Variants in IGF2BP1 observed in about 807,000 individuals in gnomAD.
IGF2BP1 encodes the protein insulin-like growth factor 2 mRNA-binding protein 1.
Under a neutral mutation model 74.9 loss-of-function variants are expected in IGF2BP1, and 11 were observed. The ratio of observed to expected loss-of-function variants is 0.15; its 90% CI spans 0.09 to 0.24. The LOEUF is 0.24. Among genes scored for constraint, IGF2BP1 ranks in the 10% least tolerant of loss-of-function variants. IGF2BP1 has a pLI of 1.00. For synonymous variants in IGF2BP1, 287 were observed against 281.8 expected (o/e 1.02, Z -0.18); for missense variants, 440 against 757.4 (o/e 0.58, Z 4.92).
intron 4 of IGF2BP1, among the ~76,000 whole-genome samples, chr17:49,030,675 G>T (rs552529663): frequency 6.6e-6 from 1 of 151,724 alleles, no homozygotes; most frequent in South Asian, 2.1e-4. Context: ...GCCCAGGCTG[G>T]AGTGTAGTGG....
intron 14 of IGF2BP1, 119 bp downstream of exon 14, chr17:49,046,492 T>TCTAGA: frequency 1.4e-6 from 1 of 697,290 alleles, no homozygotes; most frequent in Non-Finnish European, 2.5e-6. Flanking sequence ...CAGCCACATC[T>TCTAGA]GCCTGCCTCT....
chr17:48,999,134 C>T lies in IGF2BP1; in HGVS notation c.201C>T (p.Arg67=), dbSNP rs1342252337. ...FSGKVELQGK[R]LEIEHSVPKK... Reference sequence around the variant, plus strand: ...GGAAAGTAGAATTACAAGGAAAACGCTTAGAGATTGAACATTCGGTGCCCA... The same window carrying T: ...GGAAAGTAGAATTACAAGGAAAACGTTTAGAGATTGAACATTCGGTGCCCA... Residue 67 remains arginine, a synonymous_variant, in exon 2 of 15, where the codon CGC becomes CGT. Transcript: ENST00000290341. 1.3e-6 allele frequency: 2 copies of T among 1,493,102 alleles called. No individual in the cohort carries two copies. Among genetic ancestry groups the T allele is most frequent in the Non-Finnish European group, 1.8e-6 (2 of 1,107,920 alleles). 92.5% of individuals were successfully genotyped at this position (1,493,102 alleles called of 1,614,324 possible). A position where few individuals can be genotyped will look rare whatever the true frequency, so the allele number is the denominator to read the frequency against.
chr17:49,019,954 A>ATATATT (rs1567815943), intron 2 of IGF2BP1, among the ~76,000 whole-genome samples: 16 of 41,556 alleles, frequency 3.9e-4, no homozygotes, highest in Non-Finnish European at 5.1e-4. Flanking sequence ...ATATATTTAT[A>ATATATT]TACACACACA....
intron 12 of IGF2BP1, among the ~76,000 whole-genome samples, chr17:49,045,280 CAGA>C (rs1415605214): frequency 6.6e-6 from 1 of 152,204 alleles, no homozygotes; most frequent in African/African-American, 2.4e-5. Flanking sequence ...TTAAGGTCCA[CAGA>C]AGAAGATGGG....
chr17:49,020,972 A>T (rs1157290440), intron 2 of IGF2BP1, among the ~76,000 whole-genome samples: 5 of 20,534 alleles, frequency 2.4e-4, no homozygotes, highest in African/African-American at 7.3e-4. Flanking sequence ...CTACAAATTA[A>T]AAAAAAAAAA....
chr17:49,032,008 G>C (rs562198497), intron 5 of IGF2BP1, 35 bp downstream of exon 5: 11 of 1,446,818 alleles, frequency 7.6e-6, no homozygotes, highest in Middle Eastern at 1.7e-4. Flanking sequence ...GGGTGCGGTG[G>C]GGGGGGGTTC....
At chr17:49,013,191 AC>A (rs2007071837) in intron 2 of IGF2BP1, among the ~76,000 whole-genome samples, 1 of 151,750 alleles carries the variant, frequency 6.6e-6, no homozygotes, top group African/African-American at 2.4e-5. Context: ...TTAATTGATG[AC>A]ACCCCAAAAG....
At chr17:49,004,296 T>TC (rs1036699600) in intron 2 of IGF2BP1, among the ~76,000 whole-genome samples, 1 of 118,186 alleles carries the variant, frequency 8.5e-6, no homozygotes, top group Admixed American at 8.2e-5. Context: ...ACGAGAGGGT[T>TC]CCCCCTCACC....
chr17:49,055,148 A>G lies in IGF2BP1; in HGVS notation c.*5704A>G, dbSNP rs1486293962. 9.7e-6 allele frequency: 1 copy of G among 103,304 alleles called. No individual in the cohort carries two copies. Among genetic ancestry groups the G allele is most frequent in the Admixed American group, 9.1e-5 (1 of 10,960 alleles). The allele number at this position is 103,304 out of a possible 1,614,324, so 6.4% of individuals were successfully genotyped here. A position where few individuals can be genotyped will look rare whatever the true frequency, so the allele number is the denominator to read the frequency against. ...ACTTTCCAAAAAATAAAATTAAAAA[A>G]AAAAAAACCAAAAAAAAAAATTTTT... On this transcript the variant is annotated 3_prime_UTR_variant, in exon 15 of 15. Transcript: ENST00000290341.
rs1237082226 is a variant in IGF2BP1, at chr17:49,049,452, C to T, written c.*8C>T. 1.9e-6 allele frequency: 3 copies of T among 1,611,422 alleles called. No individual in the cohort carries two copies. The highest frequency in any genetic ancestry group is 2.2e-5 in the East Asian group (1 of 44,876). On this transcript the variant is annotated 3_prime_UTR_variant, in exon 15 of 15. Transcript: ENST00000290341. ...CAGGCACGGAGGAAGTGACCAGCCC[C>T]TCCCTGTCCCTTCGAGTCCAGGACA...
rs374582209 is a variant in IGF2BP1, at chr17:49,004,879, C to T, written c.236+5710C>T. On this transcript the variant is annotated intron_variant, in intron 2 of 14. Coordinates refer to ENST00000290341, the MANE Select transcript of IGF2BP1 (RefSeq NM_006546.4). ...AGAAAGTGTATGCCCATTTGGTTAC[C>T]GATAGTTTGGTTAAAAATGATCCTG... 6 of 152,190 alleles carry T rather than the reference C, an allele frequency of 3.9e-5. No homozygotes were observed. The East Asian group carries it at 9.7e-4, about 24-fold the overall frequency. 9.4% of individuals were successfully genotyped at this position (152,190 alleles called of 1,614,324 possible).
At chr17:49,024,064 G>C (rs907280202) in intron 2 of IGF2BP1, among the ~76,000 whole-genome samples, 2 of 145,714 alleles carry the variant, frequency 1.4e-5, no homozygotes, top group African/African-American at 2.6e-5. Context: ...TTACAGGCAC[G>C]TGCCACCACA....
intron 4 of IGF2BP1, among the ~76,000 whole-genome samples, 179 bp downstream of exon 4, chr17:49,026,696 CCTTCCT>C: frequency 7.1e-6 from 1 of 141,096 alleles, no homozygotes; most frequent in South Asian, 2.3e-4. Context: ...TGCCTTCCTG[CCTTCCT>C]GCCTTCCTGC....
chr17:49,043,613 C>T (rs2042077317), intron 10 of IGF2BP1, 63 bp downstream of exon 10: 5 of 1,571,128 alleles, frequency 3.2e-6, no homozygotes, highest in Non-Finnish European at 4.3e-6. Flanking sequence ...TTAAGGGGGA[C>T]TCAGCATGCT....
At position 49,040,053 on chromosome 17, in the gene IGF2BP1, C is replaced by G; in HGVS notation, c.780C>G (p.Ile260Met). 6.2e-7 allele frequency: 1 copy of G among 1,614,124 alleles called. No individual in the cohort carries two copies. The highest frequency in any genetic ancestry group is 8.5e-7 in the Non-Finnish European group (1 of 1,180,046). ...PEGCSSACKM[I>M]LEIMHKEAKD... Reference sequence around the variant, plus strand: ...GCTGCTCCTCCGCTTGTAAGATGATCTTGGAGATTATGCATAAAGAGGCTA... The same window carrying G: ...GCTGCTCCTCCGCTTGTAAGATGATGTTGGAGATTATGCATAAAGAGGCTA... Residue 260 changes from isoleucine to methionine, a missense_variant, in exon 7 of 15, where the codon ATC becomes ATG. By Grantham distance (10) the Ile-to-Met change is conservative (BLOSUM62 1). This residue lies in a region of IGF2BP1 where 184 missense variants were observed against 273.4 expected (regional missense o/e 0.67). Transcript: ENST00000290341.
Position 48,999,145 on chromosome 17 carries a change from A to C in IGF2BP1, c.212A>C (p.Glu71Ala), listed in dbSNP as rs1364192239. The C allele has an allele frequency of 2.1e-6, 3 of 1,459,924 alleles. No homozygotes were observed. Among genetic ancestry groups the C allele is most frequent in the Non-Finnish European group, 2.8e-6 (3 of 1,084,570 alleles). The allele number at this position is 1,459,924 out of a possible 1,614,324, so 90.4% of individuals were successfully genotyped here. Residue 71 changes from glutamate to alanine, a missense_variant, in exon 2 of 15, where the codon GAA (glutamate) becomes GCA (alanine). Around this residue, in one of 5 missense-constraint regions of IGF2BP1, gnomAD observed 105 missense variants for 199.4 expected, o/e 0.53. Transcript: ENST00000290341. ...TTACAAGGAAAACGCTTAGAGATTG[A>C]ACATTCGGTGCCCAAAAAACAAAGG... ...VELQGKRLEI[E>A]HSVPKKQRSR...
chr17:48,997,653 C>T lies in IGF2BP1; in HGVS notation c.-93C>T, dbSNP rs1296779539. ...CAAAGAAAGTTTGCGGCTCCTGCCG[C>T]CGGCCTCTCCGCCTCTTGGCCTAGG... On this transcript the variant is annotated 5_prime_UTR_variant, in exon 1 of 15. Coordinates refer to ENST00000290341, the MANE Select transcript of IGF2BP1 (RefSeq NM_006546.4). The surrounding 1 kb of genome is among the most constrained non-coding windows in gnomAD (Gnocchi z 4.8). 1.5e-5 allele frequency: 21 copies of T among 1,369,556 alleles called. No homozygotes were observed. The highest frequency in any genetic ancestry group is 2.1e-5 in the Non-Finnish European group (21 of 998,280). 84.8% of individuals were successfully genotyped at this position (1,369,556 alleles called of 1,614,324 possible).
intron 2 of IGF2BP1, among the ~76,000 whole-genome samples, chr17:49,022,017 T>G (rs2041799050): frequency 6.6e-6 from 1 of 152,244 alleles, no homozygotes; most frequent in African/African-American, 2.4e-5. Flanking sequence ...CATACTAGTC[T>G]GGATACTCCA....
Position 49,046,012 on chromosome 17 carries a change from T to C in IGF2BP1, c.1518T>C (p.Gly506=). 6.2e-7 allele frequency: 1 copy of C among 1,613,770 alleles called. No homozygotes were observed. The highest frequency in any genetic ancestry group is 8.5e-7 in the Non-Finnish European group (1 of 1,179,948). ...CAGCTGGCCGGGTCATTGGCAAAGG[T>C]GGAAAAACGGTGAGCTGTGAGGGCC... The part of the protein sequence containing the change: ...ASAAGRVIGK[G]GKTVNELQNL... The change falls in exon 13 of 15, where the codon GGT becomes GGC. Residue 506 remains glycine (G), a synonymous_variant. Coordinates refer to ENST00000290341, the MANE Select transcript of IGF2BP1 (RefSeq NM_006546.4).
Sources: gnomAD v4.1 joint callset for allele counts (sites outside exome capture counted in the v4.1 genomes callset) on GRCh38, gnomAD v4.1.1 for gene constraint, gnomAD v4.1.1 regional missense constraint, Gnocchi (gnomAD v3.1) non-coding constraint, MANE v1.5 for transcripts, NCBI Gene and HGNC (gene_info 2026-07-23, HGNC 2026-07-21) for gene names.